ATP2C2: variants seen among roughly 807,000 people sequenced by gnomAD.
ATP2C2 encodes ATPase secretory pathway Ca2+ transporting 2.
Under a neutral mutation model 110.8 loss-of-function variants are expected in ATP2C2, and 171 were observed. That is an observed-to-expected ratio of 1.54 (90% CI 1.36 to 1.75). The LOEUF is 1.75. Ranked by LOEUF, ATP2C2 falls within the 40% of genes most tolerant of loss-of-function variation. ATP2C2 has a pLI of 0.00. For missense variants in ATP2C2, 1,963 were observed against 1,235.0 expected, an observed-to-expected ratio of 1.59 and a Z score of -8.84; for synonymous variants, 804 against 508.4, an observed-to-expected ratio of 1.58 and a Z score of -7.82.
In ATP2C2 at chr16:84,462,018, A is replaced by C. The variant is rs1226939198; in HGVS notation, c.2611A>C (p.Arg871=). The C allele has an allele frequency of 6.2e-7, 1 of 1,613,914 alleles. No individual in the cohort carries two copies. Residue 871 remains arginine, a synonymous_variant, in exon 26 of 27, where the codon AGG becomes CGG. Coordinates refer to ENST00000262429, the MANE Select transcript of ATP2C2 (RefSeq NM_014861.4). ...TKLIFEIGFL[R]NHMFLYSVLG... ...GCTGATATTTGAGATCGGCTTTCTC[A>C]GGAACCACATGTTCCTCTACTCCGT... is the stretch of plus-strand genomic sequence containing the variant.
chr16:84,442,875 T>G (rs1328214599), intron 15 of ATP2C2, among the ~76,000 whole-genome samples: 1 of 151,932 alleles, frequency 6.6e-6, no homozygotes, highest in East Asian at 1.9e-4. Flanking sequence ...CCTGGTCAGG[T>G]GTTGAGGCGA....
At chr16:84,425,203 C>T (rs1379870117) in intron 10 of ATP2C2, among the ~76,000 whole-genome samples, 1 of 152,178 alleles carries the variant, frequency 6.6e-6, no homozygotes, top group African/African-American at 2.4e-5. Flanking sequence ...GCAACACCAC[C>T]CACCTTCCCA....
chr16:84,383,682 C>T (rs946650550), intron 1 of ATP2C2, among the ~76,000 whole-genome samples: 1 of 150,832 alleles, frequency 6.6e-6, no homozygotes, highest in African/African-American at 2.4e-5. Context: ...AGCCTCACCG[C>T]CCCCATTTAG....
Position 84,459,107 on chromosome 16 carries a change from T to C in ATP2C2, c.2148-13T>C, listed in dbSNP as rs781759855. On this transcript the variant is annotated splice_polypyrimidine_tract_variant and intron_variant, in intron 21 of 26. Coordinates refer to ENST00000262429, the MANE Select transcript of ATP2C2 (RefSeq NM_014861.4). ...GGCCCGCTCCGTGAGTAAATGGCTCTCTTCTCTTGCAGGAATGCAGTGGAG... is the reference window on the plus strand; with the variant it reads ...GGCCCGCTCCGTGAGTAAATGGCTCCCTTCTCTTGCAGGAATGCAGTGGAG... The C allele has an allele frequency of 5.0e-6, 8 of 1,614,064 alleles. No homozygotes were observed. The highest frequency in any genetic ancestry group is 5.9e-6 in the Non-Finnish European group (7 of 1,180,014).
intron 13 of ATP2C2, 84 bp from the exon 14 acceptor site, chr16:84,440,773 A>G: frequency 3.0e-6 from 3 of 998,534 alleles, no homozygotes; most frequent in Non-Finnish European, 1.6e-6. Context: ...CCTGGAATGG[A>G]TCCCCAGGAC....
chr16:84,444,904 G>A (rs909430590), intron 15 of ATP2C2, among the ~76,000 whole-genome samples: 1 of 152,220 alleles, frequency 6.6e-6, no homozygotes, highest in Non-Finnish European at 1.5e-5. Context: ...ATGGCACTGA[G>A]GCCAGGCCAG....
intron 20 of ATP2C2, among the ~76,000 whole-genome samples, chr16:84,454,153 G>GT (rs35816757): frequency 0.091 from 13,791 of 152,090 alleles, 757 homozygotes; most frequent in South Asian, 0.25. Flanking sequence ...CCGTGCCTCC[G>GT]TTTCCTCATC....
At position 84,455,619 on chromosome 16, in the gene ATP2C2, T is replaced by C. The variant is rs562454958; in HGVS notation, c.2147+635T>C. ...CTCATAAGCTAATCGCAGTGGTTAG[T>C]TGGGGGTGAGGGAAAACTTTTTAAG... is the stretch of plus-strand genomic sequence containing the variant. On this transcript the variant is annotated intron_variant, in intron 21 of 26. Coordinates refer to ENST00000262429, the MANE Select transcript of ATP2C2 (RefSeq NM_014861.4). 2.6e-5 allele frequency among the ~76,000 whole-genome samples: 4 copies of C among 152,150 alleles called. No homozygotes were observed. The South Asian group carries it at 6.3e-4, about 24-fold the overall frequency.
At chr16:84,449,645 G>T (rs770243913) in intron 17 of ATP2C2, among the ~76,000 whole-genome samples, 14 of 152,190 alleles carry the variant, frequency 9.2e-5, no homozygotes, top group Admixed American at 9.2e-4. Flanking sequence ...ATCTGAGAGG[G>T]GCTGGTATAA....
intron 6 of ATP2C2, among the ~76,000 whole-genome samples, chr16:84,413,863 A>G (rs751508204): frequency 1.3e-5 from 2 of 152,116 alleles, no homozygotes; most frequent in Non-Finnish European, 2.9e-5. Flanking sequence ...GTATGCCTGG[A>G]GAAAGGGCAC....
intron 16 of ATP2C2, among the ~76,000 whole-genome samples, 200 bp downstream of exon 16, chr16:84,446,630 T>G (rs946000126): frequency 5.9e-5 from 9 of 152,194 alleles, no homozygotes; most frequent in African/African-American, 2.2e-4. Context: ...AAACAGAAGT[T>G]CTTAAAGCAG....
chr16:84,416,665 G>C (rs1906860802), intron 7 of ATP2C2, among the ~76,000 whole-genome samples: 1 of 152,164 alleles, frequency 6.6e-6, no homozygotes, highest in Non-Finnish European at 1.5e-5. Flanking sequence ...AGGGATAAGG[G>C]TGGGAGATGT....
At chr16:84,416,206 G>C (rs974301314) in intron 7 of ATP2C2, among the ~76,000 whole-genome samples, 3 of 152,198 alleles carry the variant, frequency 2.0e-5, no homozygotes, top group African/African-American at 7.2e-5. Context: ...GACATTGGCT[G>C]TGGGGCAAGC....
chr16:84,459,609 C>T (rs780252370), intron 23 of ATP2C2: 365 of 1,530,942 alleles, frequency 2.4e-4, no homozygotes, highest in Non-Finnish European at 3.1e-4. Flanking sequence ...ATGGAACTTT[C>T]TGCTCCCTCT....
intron 23 of ATP2C2, chr16:84,459,601 G>T: frequency 6.5e-7 from 1 of 1,534,386 alleles, no homozygotes; most frequent in Non-Finnish European, 8.7e-7. Context: ...GGGTGAGGAT[G>T]GAACTTTCTG....
chr16:84,413,862 G>A (rs1465154037), intron 6 of ATP2C2, among the ~76,000 whole-genome samples: 1 of 152,172 alleles, frequency 6.6e-6, no homozygotes. Context: ...TGTATGCCTG[G>A]AGAAAGGGCA....
intron 3 of ATP2C2, chr16:84,407,221 G>A (rs1334611131): frequency 6.6e-6 from 1 of 152,174 alleles, no homozygotes; most frequent in Non-Finnish European, 1.5e-5. Context: ...AGGCAGCCCT[G>A]TTCCTCTGTC....
intron 3 of ATP2C2, chr16:84,406,463 A>C (rs764685978): frequency 2.3e-6 from 1 of 430,342 alleles, no homozygotes; most frequent in African/African-American, 2.2e-5. Flanking sequence ...CCAGGCTTCA[A>C]CCGCCTTCCT....
intron 3 of ATP2C2, among the ~76,000 whole-genome samples, chr16:84,406,227 A>T (rs1905754817): frequency 6.6e-6 from 1 of 152,174 alleles, no homozygotes; most frequent in Admixed American, 6.5e-5. Context: ...AGCCACTAAG[A>T]AGGGGAAAGA....
Sources: allele counts gnomAD v4.1 joint callset (sites outside exome capture counted in the v4.1 genomes callset), GRCh38; gene constraint gnomAD v4.1.1; transcripts MANE v1.5; gene names NCBI Gene and HGNC (gene_info 2026-07-23, HGNC 2026-07-21).